The following NKAIN2 variants were observed in gnomAD, a reference collection of about 807,000 sequenced individuals.
The protein encoded by NKAIN2 is sodium/potassium-transporting ATPase subunit beta-1-interacting protein 2.
NKAIN2 carries 14 observed loss-of-function variants against 32.6 expected under a neutral mutation model. The observed-to-expected ratio is 0.43, with a 90% confidence interval of 0.28 to 0.67. The LOEUF (loss-of-function observed/expected upper bound fraction) is 0.67. Ranked by LOEUF, NKAIN2 falls within the 30% of genes least tolerant of loss-of-function variation. NKAIN2 has a pLI of 0.17. For synonymous variants in NKAIN2, 80 were observed against 87.2 expected (o/e 0.92, Z 0.46); for missense variants, 198 against 258.3 (o/e 0.77, Z 1.60).
intron 1 of NKAIN2, among the ~76,000 whole-genome samples, chr6:124,226,141 A>C (rs750771783): frequency 2.0e-5 from 3 of 151,758 alleles, no homozygotes; most frequent in Non-Finnish European, 4.4e-5. Flanking sequence ...GCTTGGAAAT[A>C]GTCTTTAATT....
intron 3 of NKAIN2, among the ~76,000 whole-genome samples, chr6:124,639,390 G>A (rs761705673): frequency 6.6e-6 from 1 of 152,164 alleles, no homozygotes; most frequent in Non-Finnish European, 1.5e-5. Flanking sequence ...GCTCATGCCT[G>A]TAAATCCCAG....
intron 3 of NKAIN2, among the ~76,000 whole-genome samples, chr6:124,615,223 G>A (rs1343477102): frequency 1.3e-5 from 2 of 152,038 alleles, no homozygotes; most frequent in African/African-American, 2.4e-5. Context: ...TAGATACCAT[G>A]TGTATTTTAG....
At chr6:124,010,546 C>T (rs1020147178) in intron 1 of NKAIN2, among the ~76,000 whole-genome samples, 23 of 149,962 alleles carry the variant, frequency 1.5e-4, no homozygotes, top group African/African-American at 5.2e-4. Context: ...TATTTATGCC[C>T]TAATGTCATA....
At chr6:123,811,430 T>TGG (rs1773462316) in intron 1 of NKAIN2, among the ~76,000 whole-genome samples, 1 of 40,418 alleles carries the variant, frequency 2.5e-5, no homozygotes, top group African/African-American at 1.0e-4. Flanking sequence ...TGTGGGGGGG[T>TGG]GGGGGAGAGA....
intron 4 of NKAIN2, among the ~76,000 whole-genome samples, chr6:124,721,569 T>C (rs553551788): frequency 2.6e-5 from 4 of 152,314 alleles, no homozygotes; most frequent in South Asian, 2.1e-4. Context: ...ATATATTTTA[T>C]ATAATATTTA....
intron 2 of NKAIN2, among the ~76,000 whole-genome samples, chr6:124,283,689 C>T (rs1413662691): frequency 6.6e-6 from 1 of 152,162 alleles, no homozygotes. Context: ...GTTAAACTTA[C>T]TTAACATAAA....
intron 3 of NKAIN2, among the ~76,000 whole-genome samples, chr6:124,629,569 A>G (rs1783484108): frequency 6.6e-6 from 1 of 152,198 alleles, no homozygotes; most frequent in Admixed American, 6.6e-5. Context: ...GAGGAAGAAA[A>G]TAAGTGCTTT....
intron 4 of NKAIN2, among the ~76,000 whole-genome samples, chr6:124,671,061 G>T (rs1773074829): frequency 6.6e-6 from 1 of 152,014 alleles, no homozygotes; most frequent in Non-Finnish European, 1.5e-5. Flanking sequence ...GGCACCACCT[G>T]CAGCAAGCAG....
At chr6:123,842,155 A>C (rs1774898554) in intron 1 of NKAIN2, among the ~76,000 whole-genome samples, 1 of 152,314 alleles carries the variant, frequency 6.6e-6, no homozygotes, top group Non-Finnish European at 1.5e-5. Context: ...AATTACTTGG[A>C]GACATTATAC....
chr6:124,093,924 G>A (rs1784539555), intron 1 of NKAIN2, among the ~76,000 whole-genome samples: 1 of 152,044 alleles, frequency 6.6e-6, no homozygotes, highest in African/African-American at 2.4e-5. Flanking sequence ...TAAAAGGAAG[G>A]AACCAAAATA....
chr6:124,507,430 A>T (rs764149693), intron 3 of NKAIN2, among the ~76,000 whole-genome samples: 1 of 152,084 alleles, frequency 6.6e-6, no homozygotes, highest in East Asian at 1.9e-4. Flanking sequence ...AGTATGGGAA[A>T]ATTTTTATTC....
At chr6:124,409,551 A>T (rs926234809) in intron 3 of NKAIN2, among the ~76,000 whole-genome samples, 2 of 152,128 alleles carry the variant, frequency 1.3e-5, no homozygotes, top group Admixed American at 6.5e-5. Flanking sequence ...AGCCCACTTG[A>T]TCATGGTGGA....
intron 3 of NKAIN2, among the ~76,000 whole-genome samples, chr6:124,401,908 T>C (rs1373356814): frequency 6.6e-6 from 1 of 152,212 alleles, no homozygotes; most frequent in African/African-American, 2.4e-5. Context: ...TATTTTTTGA[T>C]GTAGTCAAAT....
At chr6:123,959,518 A>G (rs1582844424) in intron 1 of NKAIN2, among the ~76,000 whole-genome samples, 1 of 152,190 alleles carries the variant, frequency 6.6e-6, no homozygotes, top group Non-Finnish European at 1.5e-5. Context: ...TGTGTCCTTG[A>G]ACATGATACT....
chr6:124,040,597 G>A (rs747839143), intron 1 of NKAIN2, among the ~76,000 whole-genome samples: 1 of 151,870 alleles, frequency 6.6e-6, no homozygotes, highest in Non-Finnish European at 1.5e-5. Context: ...CATTTACTAA[G>A]TATTTATCAA....
At chr6:124,245,747 A>G (rs1047136447) in intron 1 of NKAIN2, among the ~76,000 whole-genome samples, 5 of 152,010 alleles carry the variant, frequency 3.3e-5, no homozygotes, top group African/African-American at 7.2e-5. Flanking sequence ...TTGAATCTAG[A>G]CTTTGTTAAT....
chr6:124,755,412 A>ATAG (rs1777918463), intron 4 of NKAIN2, among the ~76,000 whole-genome samples: 1 of 152,082 alleles, frequency 6.6e-6, no homozygotes, highest in South Asian at 2.1e-4. Flanking sequence ...CTTGTCTGGC[A>ATAG]ACACCCTCAT....
At position 123,847,907 on chromosome 6, in the gene NKAIN2, T is replaced by G. The variant is rs1297877687; in HGVS notation, c.54+43653T>G. ...CTTTAAATCTCTCCTTGGGATCCAC[T>G]GTGCAGTCAGGTTGAAAATTGTTGG... On this transcript the variant is annotated intron_variant, in intron 1 of 6. Coordinates refer to ENST00000368417, the MANE Select transcript of NKAIN2 (RefSeq NM_001040214.3). 2.0e-5 allele frequency among the ~76,000 whole-genome samples: 3 copies of G among 152,142 alleles called. 1 individual carries two copies. The highest frequency in any genetic ancestry group is 2.0e-4 in the Admixed American group (3 of 15,274).
At chr6:124,447,302 G>A (rs1030061192) in intron 3 of NKAIN2, among the ~76,000 whole-genome samples, 1 of 152,062 alleles carries the variant, frequency 6.6e-6, no homozygotes, top group Non-Finnish European at 1.5e-5. Flanking sequence ...AAATGCTAGT[G>A]CCTGGTAGTC....
Sources: allele counts gnomAD v4.1 joint callset (sites outside exome capture counted in the v4.1 genomes callset), GRCh38; gene constraint gnomAD v4.1.1; transcripts MANE v1.5; gene names NCBI Gene and HGNC (gene_info 2026-07-23, HGNC 2026-07-21).